The following TMPRSS15 variants were observed in gnomAD, a reference collection of about 807,000 sequenced individuals.
The protein encoded by TMPRSS15 is enteropeptidase.
TMPRSS15 carries 128 observed loss-of-function variants against 125.3 expected under a neutral mutation model. The observed-to-expected ratio is 1.02, with a 90% CI of 0.89 to 1.18. The LOEUF (loss-of-function observed/expected upper bound fraction) is 1.18, where lower values mean the gene tolerates loss of function less well. Ranked by LOEUF, TMPRSS15 falls within the 50% of genes most tolerant of loss-of-function variation. TMPRSS15 has a pLI of 0.00. For synonymous variants in TMPRSS15, 446 were observed against 423.2 expected, an observed-to-expected ratio of 1.05 and a Z score of -0.66; for missense variants, 1,283 against 1,212.7, an observed-to-expected ratio of 1.06 and a Z score of -0.86.
intron 4 of TMPRSS15, chr21:18,380,405 A>C (rs1204527963): frequency 8.2e-6 from 3 of 366,136 alleles, no homozygotes; most frequent in Non-Finnish European, 1.1e-5. Flanking sequence ...ATTCCTAACC[A>C]ATATAAGCTT....
chr21:18,312,981 T>C lies in TMPRSS15; in HGVS notation c.2129A>G (p.Gln710Arg). 1 of 1,614,074 alleles carries C rather than the reference T, an allele frequency of 6.2e-7. No homozygotes were observed. Among genetic ancestry groups the C allele is most frequent in the East Asian group, 2.2e-5 (1 of 44,870 alleles). Residue 710 changes from glutamine (Q) to arginine (R), a missense_variant, in exon 18 of 25, where the codon CAG becomes CGG. Gln to Arg is a conservative substitution (Grantham distance 43). Coordinates refer to ENST00000284885, the MANE Select transcript of TMPRSS15 (RefSeq NM_002772.3). Reference sequence around the variant, plus strand: ...CAGTTGACAAACATCATTTGAAATCTGGGTGGTCCAGTTCTCAGCACAAGC... The same window carrying C: ...CAGTTGACAAACATCATTTGAAATCCGGGTGGTCCAGTTCTCAGCACAAGC... ...HTACAENWTT[Q>R]ISNDVCQLLG...
Position 18,279,056 on chromosome 21 carries a change from TA to T in TMPRSS15, c.2671del (p.Tyr891ThrfsTer64), listed in dbSNP as rs1424033681. On this transcript the variant is annotated frameshift_variant and splice_region_variant, in exon 23 of 25. Transcript: ENST00000284885. LOFTEE classifies it high-confidence loss of function. ...TTCCGGTAAACAAATAGGTTGTATG[TA>T]ATCTGGAAAAACAAGCAAACAGCAA... ...HLEFKVNYTD[Y>X]IQPICLPEEN... 6.4e-6 allele frequency: 10 copies of T among 1,553,056 alleles called. No homozygotes were observed. The highest frequency in any genetic ancestry group is 8.9e-6 in the Non-Finnish European group (10 of 1,128,418).
intron 18 of TMPRSS15, among the ~76,000 whole-genome samples, chr21:18,301,537 C>T (rs759677857): frequency 1.3e-5 from 2 of 152,192 alleles, no homozygotes; most frequent in South Asian, 2.1e-4. Flanking sequence ...TTTAAGCACG[C>T]ACCTGAGGCT....
At chr21:18,440,756 C>A (rs1601463745) in intron 1 of TMPRSS15, among the ~76,000 whole-genome samples, 1 of 152,038 alleles carries the variant, frequency 6.6e-6, no homozygotes, top group Non-Finnish European at 1.5e-5. Context: ...TAAATAAATT[C>A]TTATCATGAC....
chr21:18,356,725 C>T (rs1351892819), intron 8 of TMPRSS15, among the ~76,000 whole-genome samples: 1 of 151,768 alleles, frequency 6.6e-6, no homozygotes, highest in Non-Finnish European at 1.5e-5. Flanking sequence ...CTAATAAAAG[C>T]ACAAAATGTG....
chr21:18,276,158 T>C (rs2074616940), intron 23 of TMPRSS15, among the ~76,000 whole-genome samples: 3 of 152,360 alleles, frequency 2.0e-5, no homozygotes, highest in Admixed American at 6.5e-5. Context: ...CTAAATTTAA[T>C]TCATGCACTA....
At chr21:18,465,220 C>CA (rs1250960474) in intron 1 of TMPRSS15, among the ~76,000 whole-genome samples, 1 of 150,224 alleles carries the variant, frequency 6.7e-6, no homozygotes, top group Non-Finnish European at 1.5e-5. Context: ...CCCCTTCATG[C>CA]AAAAAACTCT....
At chr21:18,354,873 G>A (rs569826851) in intron 8 of TMPRSS15, among the ~76,000 whole-genome samples, 1 of 151,876 alleles carries the variant, frequency 6.6e-6, no homozygotes, top group Admixed American at 6.6e-5. Flanking sequence ...GAACCACTGT[G>A]AAATAACAGT....
At chr21:18,405,097 G>T (rs780482366), upstream of TMPRSS15, among the ~76,000 whole-genome samples, 1 of 151,996 alleles carries the variant, frequency 6.6e-6, no homozygotes, top group South Asian at 2.1e-4. Context: ...TCTTTGTATG[G>T]CTAGTGCAGA....
In TMPRSS15 at chr21:18,280,729, A is replaced by G. The variant is rs540426018; in HGVS notation, c.2668+311T>C. ...TGGTAGATGAACCTACCTTTCTTTT[A>G]CATGAAAAATAGAGAGGGCATGCAT... On this transcript the variant is annotated intron_variant, in intron 22 of 24. Transcript: ENST00000284885. Among the ~76,000 whole-genome samples, 6 of 152,228 alleles carry G rather than the reference A, an allele frequency of 3.9e-5. No individual in the cohort carries two copies. In the South Asian group the frequency reaches 1.2e-3, roughly 32 times the overall value.
At chr21:18,399,440 A>G (rs923717379) in intron 1 of TMPRSS15, among the ~76,000 whole-genome samples, 6 of 152,140 alleles carry the variant, frequency 3.9e-5, no homozygotes, top group African/African-American at 1.2e-4. Flanking sequence ...ATACTATTTC[A>G]TTTGTATTTT....
chr21:18,364,992 G>GT lies in TMPRSS15; in HGVS notation c.773+147dup, dbSNP rs1239925232. 3.5e-5 allele frequency: 24 copies of GT among 681,294 alleles called. No individual in the cohort carries two copies. The Admixed American group carries it at 5.1e-4, about 15-fold the overall frequency. 42.2% of individuals were successfully genotyped at this position (681,294 alleles called of 1,614,324 possible). On this transcript the variant is annotated intron_variant, in intron 7 of 24. Transcript: ENST00000284885. ...TTAAAAGGTTAAAAATGATAGTATA[G>GT]TTTTTTGTACAGTTTTTCAGTTGGG...
chr21:18,293,752 G>C (rs1343990657), intron 21 of TMPRSS15, among the ~76,000 whole-genome samples: 1 of 152,076 alleles, frequency 6.6e-6, no homozygotes, highest in Non-Finnish European at 1.5e-5. Flanking sequence ...TCAGTTAATA[G>C]GTAGCAATCA....
chr21:18,446,940 A>T (rs944964697), intron 1 of TMPRSS15, among the ~76,000 whole-genome samples: 38 of 152,182 alleles, frequency 2.5e-4, no homozygotes, highest in African/African-American at 8.9e-4. Context: ...AAATGAGATT[A>T]CTTCAAACTA....
At chr21:18,363,309 G>A (rs997653758) in intron 7 of TMPRSS15, among the ~76,000 whole-genome samples, 20 of 152,040 alleles carry the variant, frequency 1.3e-4, no homozygotes, top group African/African-American at 4.8e-4. Flanking sequence ...TCTTAAAATA[G>A]TTTCAAAAAT....
intron 18 of TMPRSS15, among the ~76,000 whole-genome samples, chr21:18,312,586 A>T (rs2075111505): frequency 6.6e-6 from 1 of 151,730 alleles, no homozygotes; most frequent in African/African-American, 2.4e-5. Context: ...TATTCTCTGT[A>T]GTACCCTTGT....
At chr21:18,453,188 C>T (rs763912196) in intron 1 of TMPRSS15, among the ~76,000 whole-genome samples, 1 of 152,104 alleles carries the variant, frequency 6.6e-6, no homozygotes, top group Non-Finnish European at 1.5e-5. Context: ...TTGTTGTCTT[C>T]CCTCTAAGTT....
chr21:18,283,627 G>C, intron 21 of TMPRSS15, among the ~76,000 whole-genome samples: 1 of 151,964 alleles, frequency 6.6e-6, no homozygotes, highest in East Asian at 1.9e-4. Flanking sequence ...TTATATATAA[G>C]TTGGAGTTAA....
chr21:18,414,371 G>A (rs1032796337), intron 1 of TMPRSS15, among the ~76,000 whole-genome samples: 5 of 152,030 alleles, frequency 3.3e-5, no homozygotes, highest in African/African-American at 7.2e-5. Context: ...TGAACATAAC[G>A]TGAGCTTTCA....
Sources: allele counts gnomAD v4.1 joint callset (sites outside exome capture counted in the v4.1 genomes callset), GRCh38; gene constraint gnomAD v4.1.1; transcripts MANE v1.5; gene names NCBI Gene and HGNC (gene_info 2026-07-23, HGNC 2026-07-21).